The following ITPR3 variants were observed in gnomAD, a reference collection of about 807,000 sequenced individuals.
The protein encoded by ITPR3 is inositol 1,4,5-trisphosphate-gated calcium channel ITPR3.
In ITPR3, 173 loss-of-function variants were observed where a neutral mutation model predicts 293.2. That is an observed-to-expected ratio of 0.59 (90% confidence interval 0.52 to 0.67). The LOEUF (loss-of-function observed/expected upper bound fraction) is 0.67, where lower values mean the gene tolerates loss of function less well. ITPR3 is among the 30% of genes least tolerant of loss of function. The pLI is 0.00. For missense variants in ITPR3, 2,796 were observed against 3,592.1 expected (o/e 0.78, Z 5.66); for synonymous variants, 1,295 against 1,444.4 (o/e 0.90, Z 2.35).
chr6:33,684,394 GAGA>G lies in ITPR3; in HGVS notation c.4978_4980del (p.Lys1660del). On this transcript the variant is annotated inframe_deletion, in exon 37 of 58. Coordinates refer to ENST00000605930, the MANE Select transcript of ITPR3 (RefSeq NM_002224.4). This position sits in a 1 kb window ranked among gnomAD's most constrained non-coding sequence, Gnocchi z 4.2. ...CACCAAGGACCTCATGGAGTCGGAG[GAGA>G]AGCTGTGCATCAAGGTGCTGCGGAC... 6.2e-7 allele frequency: 1 copy of G among 1,614,100 alleles called. No individual in the cohort carries two copies. The highest frequency in any genetic ancestry group is 8.5e-7 in the Non-Finnish European group (1 of 1,180,008).
At chr6:33,694,690 C>A in intron 56 of ITPR3, 12 of 527,098 alleles carry the variant, frequency 2.3e-5, no homozygotes, top group Admixed American at 1.1e-4. Context: ...GCTGCCGACG[C>A]TGCCTAACGG....
chr6:33,663,809 T>C lies in ITPR3; in HGVS notation c.1077T>C (p.His359=). Residue 359 remains histidine, a synonymous_variant, in exon 11 of 58, where the codon CAT becomes CAC. Transcript: ENST00000605930. ...AGTACTGCCTGGTGGCTGTGCCTCATGGCAATGACATCGCCTCTCTCTTTG... is the reference window on the plus strand; with the variant it reads ...AGTACTGCCTGGTGGCTGTGCCTCACGGCAATGACATCGCCTCTCTCTTTG... The part of the protein sequence containing the change: ...KIKYCLVAVP[H]GNDIASLFEL... The C allele has an allele frequency of 6.2e-7, 1 of 1,614,118 alleles. No individual in the cohort carries two copies. The highest frequency in any genetic ancestry group is 8.5e-7 in the Non-Finnish European group (1 of 1,179,988).
chr6:33,674,382 CA>C (rs1764851603), intron 24 of ITPR3, 117 bp downstream of exon 24: 11 of 932,526 alleles, frequency 1.2e-5, no homozygotes, highest in Non-Finnish European at 1.6e-5. Context: ...ATTCCCTCTG[CA>C]GACCCTCACC....
chr6:33,661,517 G>A (rs1764466083), intron 7 of ITPR3, among the ~76,000 whole-genome samples: 1 of 152,242 alleles, frequency 6.6e-6, no homozygotes, highest in East Asian at 1.9e-4. Flanking sequence ...GTGAGGATCA[G>A]GTGAGAAAGC....
intron 2 of ITPR3, among the ~76,000 whole-genome samples, chr6:33,649,467 C>T (rs1193269693): frequency 7.9e-5 from 12 of 152,174 alleles, no homozygotes; most frequent in African/African-American, 2.2e-4. Flanking sequence ...TCAGGTGATC[C>T]GCCTGCCTTG....
intron 1 of ITPR3, among the ~76,000 whole-genome samples, chr6:33,627,244 A>T (rs111463005): frequency 2.6e-5 from 4 of 152,254 alleles, no homozygotes; most frequent in African/African-American, 9.6e-5. Context: ...GATTAAAAAA[A>T]AATATACATT....
chr6:33,672,186 TGTG>T lies in ITPR3; in HGVS notation c.2890_2892del (p.Val964del). 2 of 1,612,982 alleles carry T rather than the reference TGTG, an allele frequency of 1.2e-6. No individual in the cohort carries two copies. The highest frequency in any genetic ancestry group is 1.7e-6 in the Non-Finnish European group (2 of 1,179,760). ...GCAAGTTTGAGGAGAATGAGGACAT[TGTG>T]GTGATGGAGACCAAGCTGAAGATCC... On this transcript the variant is annotated inframe_deletion, in exon 22 of 58. Coordinates refer to ENST00000605930, the MANE Select transcript of ITPR3 (RefSeq NM_002224.4). The surrounding 1 kb of genome is among the most constrained non-coding windows in gnomAD (Gnocchi z 5.0).
Position 33,682,574 on chromosome 6 carries a change from C to A in ITPR3, c.4527C>A (p.Leu1509=). The stretch of plus-strand genomic sequence containing the variant: ...TGCTGCAGTCTACCACACGCCTCCT[C>A]GAGTGTCCGTGGCTACAGCAGCAGC... ...VQLLQSTTRL[L]ECPWLQQQHK... The change falls in exon 34 of 58, where the codon CTC becomes CTA. Residue 1509 remains leucine (L), a synonymous_variant. Coordinates refer to ENST00000605930, the MANE Select transcript of ITPR3 (RefSeq NM_002224.4). This position sits in a 1 kb window ranked among gnomAD's most constrained non-coding sequence, Gnocchi z 5.4. 2.5e-6 allele frequency: 4 copies of A among 1,591,294 alleles called. No homozygotes were observed. The highest frequency in any genetic ancestry group is 3.4e-6 in the Non-Finnish European group (4 of 1,168,818).
intron 3 of ITPR3, among the ~76,000 whole-genome samples, chr6:33,656,561 C>A (rs1309328626): frequency 6.6e-6 from 1 of 152,186 alleles, no homozygotes; most frequent in Non-Finnish European, 1.5e-5. Context: ...AGATGGCCCC[C>A]AGGTCTCTGA....
Position 33,670,672 on chromosome 6 carries a change from T to C in ITPR3, c.2443T>C (p.Tyr815His). 2 of 1,613,994 alleles carry C rather than the reference T, an allele frequency of 1.2e-6. No individual in the cohort carries two copies. Among genetic ancestry groups the C allele is most frequent in the Non-Finnish European group, 1.7e-6 (2 of 1,179,982 alleles). Residue 815 changes from tyrosine to histidine, a missense_variant and splice_region_variant, in exon 20 of 58, where the codon TAT becomes CAT. Coordinates refer to ENST00000605930, the MANE Select transcript of ITPR3 (RefSeq NM_002224.4). This position sits in a 1 kb window ranked among gnomAD's most constrained non-coding sequence, Gnocchi z 6.7. The stretch of plus-strand genomic sequence containing the variant: ...ATGCCTCATGGCCTCCACCCTCAGC[T>C]ATGATTCCAACCTCAACGCGTCCCG... ...EIPTAITIKD[Y>H]DSNLNASRDD...
In ITPR3 at chr6:33,683,311, A is replaced by G. The variant is rs908846076; in HGVS notation, c.4702A>G (p.Ser1568Gly). 4.4e-6 allele frequency: 7 copies of G among 1,589,306 alleles called. No homozygotes were observed. The highest frequency in any genetic ancestry group is 6.0e-6 in the Non-Finnish European group (7 of 1,168,538). Residue 1568 changes from serine (S) to glycine (G), a missense_variant, in exon 35 of 58, where the codon AGC becomes GGC. By Grantham distance (56) the Ser-to-Gly change is moderately conservative. Around this residue, in one of 8 missense-constraint regions of ITPR3, gnomAD observed 704 missense variants for 797.5 expected, o/e 0.88. Transcript: ENST00000605930. The surrounding 1 kb of genome is among the most constrained non-coding windows in gnomAD (Gnocchi z 4.5). ...AGCTGCCGCCCAGCGGAACGCCTCC[A>G]GCTACAAGGCAACCACGCGGGCCTT... is the stretch of plus-strand genomic sequence containing the variant. ...CAAAAQRNAS[S>G]YKATTRAFPR...
rs1390988612 is a variant in ITPR3, at chr6:33,691,019, C to G, written c.7135C>G (p.Leu2379Val). ...GCTGACAGCCCTGCTGGCCCTCATC[C>G]TGGTCTACCTCTTCTCCATCGTCGG... ...ILLTALLALI[L>V]VYLFSIVGFL... Residue 2379 changes from leucine to valine, a missense_variant, in exon 52 of 58, where the codon CTG (leucine) becomes GTG (valine). Leu to Val is a conservative substitution (Grantham distance 32, BLOSUM62 1). This residue lies in a region of ITPR3 where 568 missense variants were observed against 796.1 expected (regional missense o/e 0.71). Transcript: ENST00000605930. This position sits in a 1 kb window ranked among gnomAD's most constrained non-coding sequence, Gnocchi z 4.9. The G allele has an allele frequency of 5.0e-6, 8 of 1,614,118 alleles. No homozygotes were observed. Among genetic ancestry groups the G allele is most frequent in the African/African-American group, 2.7e-5 (2 of 74,944 alleles).
At chr6:33,665,727 C>T (rs1764592433) in intron 13 of ITPR3, 108 bp from the exon 14 acceptor site, 3 of 1,249,748 alleles carry the variant, frequency 2.4e-6, no homozygotes, top group Non-Finnish European at 3.4e-6. Context: ...CTTTGGGGGC[C>T]GCTGAGTGAA....
At position 33,671,150 on chromosome 6, in the gene ITPR3, A is replaced by G. The variant is rs776705720; in HGVS notation, c.2587-15A>G. On this transcript the variant is annotated splice_polypyrimidine_tract_variant and intron_variant, in intron 20 of 57. Coordinates refer to ENST00000605930, the MANE Select transcript of ITPR3 (RefSeq NM_002224.4). ...CGGCCCCTCCCACCTCACCTCGGCC[A>G]CGCCCCCTTCGCAGGTGGTCAGCCT... is the stretch of plus-strand genomic sequence containing the variant. 5.7e-5 allele frequency: 92 copies of G among 1,612,854 alleles called. No individual in the cohort carries two copies. The highest frequency in any genetic ancestry group is 7.5e-5 in the Non-Finnish European group (89 of 1,179,708).
Position 33,691,124 on chromosome 6 carries a change from C to T in ITPR3, c.7225+15C>T. The T allele has an allele frequency of 6.2e-7, 1 of 1,612,942 alleles. No individual in the cohort carries two copies. Among genetic ancestry groups the T allele is most frequent in the South Asian group, 1.1e-5 (1 of 91,038 alleles). On this transcript the variant is annotated intron_variant, in intron 52 of 57. Coordinates refer to ENST00000605930, the MANE Select transcript of ITPR3 (RefSeq NM_002224.4). The surrounding 1 kb of genome is among the most constrained non-coding windows in gnomAD (Gnocchi z 4.9). ...CCACTCCACAGGTCTTGGAGGCTTC[C>T]TCTCCTGGGCAGGTTGTGGGGAATG... is the stretch of plus-strand genomic sequence containing the variant.
intron 1 of ITPR3, among the ~76,000 whole-genome samples, chr6:33,627,651 A>G (rs1763578712): frequency 6.6e-6 from 1 of 152,260 alleles, no homozygotes; most frequent in Non-Finnish European, 1.5e-5. Context: ...GATCAAAGAC[A>G]AGGTACACCT....
chr6:33,693,301 C>T (rs1444535189), intron 55 of ITPR3, among the ~76,000 whole-genome samples: 1 of 152,208 alleles, frequency 6.6e-6, no homozygotes. Flanking sequence ...GAGAAATTCT[C>T]GCGTTTACTC....
chr6:33,685,566 G>C lies in ITPR3; in HGVS notation c.5482+33G>C, dbSNP rs372869721. On this transcript the variant is annotated intron_variant, in intron 40 of 57. Transcript: ENST00000605930. ...GTCTGAGGCAGAGGCACGGCGTGACGGGGATCCCAGGATAAGATGTGCAGG... is the reference window on the plus strand; with the variant it reads ...GTCTGAGGCAGAGGCACGGCGTGACCGGGATCCCAGGATAAGATGTGCAGG... The C allele has an allele frequency of 8.1e-6, 13 of 1,602,430 alleles. No individual in the cohort carries two copies. The East Asian group carries it at 1.3e-4, about 17-fold the overall frequency.
chr6:33,635,068 A>G (rs1340654128), intron 1 of ITPR3, among the ~76,000 whole-genome samples: 3 of 152,182 alleles, frequency 2.0e-5, no homozygotes, highest in African/African-American at 7.2e-5. Context: ...CTCGCCATCA[A>G]AATTCATCCA....
Sources: gnomAD v4.1 joint callset for allele counts (sites outside exome capture counted in the v4.1 genomes callset) on GRCh38, gnomAD v4.1.1 for gene constraint, gnomAD v4.1.1 regional missense constraint, Gnocchi (gnomAD v3.1) non-coding constraint, MANE v1.5 for transcripts, NCBI Gene and HGNC (gene_info 2026-07-23, HGNC 2026-07-21) for gene names.